MTHFD2L: variants seen among roughly 807,000 people sequenced by gnomAD.
The protein encoded by MTHFD2L is methylenetetrahydrofolate dehydrogenase (NADP+ dependent) 2 like, also known as bifunctional methylenetetrahydrofolate dehydrogenase/cyclohydrolase 2, mitochondrial.
A neutral mutation model predicts 34.9 loss-of-function variants in MTHFD2L; 29 were observed. That is an observed-to-expected ratio of 0.83 (90% CI 0.62 to 1.13). The LOEUF (loss-of-function observed/expected upper bound fraction) is 1.13, where lower values mean the gene tolerates loss of function less well. Among genes scored for constraint, MTHFD2L ranks in the 50% most tolerant of loss-of-function variants. The pLI, the probability that MTHFD2L is intolerant of heterozygous loss-of-function variation, is 0.00. For synonymous variants in MTHFD2L, 167 were observed against 155.7 expected, an observed-to-expected ratio of 1.07 and a Z score of -0.54; for missense variants, 481 against 446.5, an observed-to-expected ratio of 1.08 and a Z score of -0.70.
intron 6 of MTHFD2L, among the ~76,000 whole-genome samples, chr4:74,249,651 C>T (rs1418888594): frequency 6.6e-6 from 1 of 152,186 alleles, no homozygotes; most frequent in Admixed American, 6.5e-5. Context: ...GTGCTTCCTT[C>T]AGGAGCTCTT....
At chr4:74,243,157 A>G (rs1325831903) in intron 6 of MTHFD2L, among the ~76,000 whole-genome samples, 1 of 152,232 alleles carries the variant, frequency 6.6e-6, no homozygotes, top group Non-Finnish European at 1.5e-5. Context: ...CTCAGCTGCC[A>G]TATGCTTTTT....
chr4:74,164,720 C>T (rs1726286125), intron 1 of MTHFD2L, among the ~76,000 whole-genome samples: 1 of 152,182 alleles, frequency 6.6e-6, no homozygotes, highest in African/African-American at 2.4e-5. Flanking sequence ...ATTATTGCTA[C>T]TAATGGTAAC....
At chr4:74,125,617 T>C (rs763207543) in intron 1 of MTHFD2L, 2 of 152,174 alleles carry the variant, frequency 1.3e-5, no homozygotes, top group African/African-American at 4.8e-5. Flanking sequence ...TTTTACCTAA[T>C]GGAATCTCAC....
At chr4:74,142,152 G>C (rs1385453406) in intron 1 of MTHFD2L, among the ~76,000 whole-genome samples, 2 of 152,188 alleles carry the variant, frequency 1.3e-5, no homozygotes, top group African/African-American at 4.8e-5. Flanking sequence ...AAGAATGTTT[G>C]ATTGGAGAGC....
At chr4:74,215,717 A>G (rs1737095321) in intron 5 of MTHFD2L, among the ~76,000 whole-genome samples, 1 of 151,836 alleles carries the variant, frequency 6.6e-6, no homozygotes, top group African/African-American at 2.4e-5. Flanking sequence ...GCAGATAGCA[A>G]TGTATAAAAC....
intron 1 of MTHFD2L, among the ~76,000 whole-genome samples, chr4:74,165,813 A>G (rs371092899): frequency 2.6e-5 from 4 of 152,208 alleles, no homozygotes; most frequent in East Asian, 3.8e-4. Flanking sequence ...TTAATTCTAC[A>G]TTTTGCACAT....
chr4:74,124,192 C>G (rs1721915250), upstream of MTHFD2L, among the ~76,000 whole-genome samples: 1 of 151,920 alleles, frequency 6.6e-6, no homozygotes, highest in Non-Finnish European at 1.5e-5. Context: ...CCTAGACCAT[C>G]TTAAGATCCT....
intron 6 of MTHFD2L, among the ~76,000 whole-genome samples, chr4:74,243,398 T>G (rs946482655): frequency 1.3e-4 from 20 of 152,160 alleles, no homozygotes; most frequent in African/African-American, 4.8e-4. Flanking sequence ...GGGGTGGGAT[T>G]GTTATGGTAG....
intron 2 of MTHFD2L, among the ~76,000 whole-genome samples, chr4:74,116,857 T>C (rs1396437135): frequency 1.3e-5 from 2 of 152,250 alleles, no homozygotes; most frequent in African/African-American, 2.4e-5. Context: ...GGCATATAGA[T>C]ACCGTTCTAT....
At chr4:74,237,510 G>T (rs569633989) in intron 6 of MTHFD2L, among the ~76,000 whole-genome samples, 2 of 152,126 alleles carry the variant, frequency 1.3e-5, no homozygotes, top group African/African-American at 4.8e-5. Context: ...TTAGCTGGGC[G>T]TGGTGGTGCA....
At chr4:74,258,732 A>G (rs1053321885) in intron 6 of MTHFD2L, among the ~76,000 whole-genome samples, 2 of 152,206 alleles carry the variant, frequency 1.3e-5, no homozygotes, top group African/African-American at 4.8e-5. Context: ...CATATAGATT[A>G]TAGCAAATTT....
intron 3 of MTHFD2L, among the ~76,000 whole-genome samples, chr4:74,186,643 ATATT>A: frequency 6.6e-6 from 1 of 152,130 alleles, no homozygotes; most frequent in African/African-American, 2.4e-5. Context: ...AAACCTATAT[ATATT>A]AAAAACTACA....
intron 7 of MTHFD2L, among the ~76,000 whole-genome samples, chr4:74,286,091 A>G (rs991714802): frequency 6.6e-6 from 1 of 152,088 alleles, no homozygotes; most frequent in African/African-American, 2.4e-5. Flanking sequence ...TTGAAGTGCT[A>G]TTTTGTTTTG....
At chr4:74,150,693 T>C (rs1353041637) in intron 1 of MTHFD2L, among the ~76,000 whole-genome samples, 1 of 152,198 alleles carries the variant, frequency 6.6e-6, no homozygotes, top group Non-Finnish European at 1.5e-5. Context: ...ATATGTTGTT[T>C]TAAATGACAC....
intron 6 of MTHFD2L, among the ~76,000 whole-genome samples, chr4:74,278,208 C>T (rs937320654): frequency 1.3e-5 from 2 of 152,046 alleles, no homozygotes; most frequent in African/African-American, 4.8e-5. Flanking sequence ...CTTCCCTAGA[C>T]CAGCCTCCGA....
chr4:74,208,410 C>T (rs1247561953), intron 5 of MTHFD2L, among the ~76,000 whole-genome samples: 6 of 152,112 alleles, frequency 3.9e-5, no homozygotes, highest in Admixed American at 2.0e-4. Context: ...TATCAGACAA[C>T]TGGCACTATC....
chr4:74,285,626 TA>T, intron 7 of MTHFD2L, among the ~76,000 whole-genome samples: 2 of 152,278 alleles, frequency 1.3e-5, no homozygotes, highest in Middle Eastern at 6.8e-3. Flanking sequence ...TAATCCCCTA[TA>T]CATTTATAGA....
chr4:74,292,858 A>C (rs1260682806), intron 7 of MTHFD2L, among the ~76,000 whole-genome samples: 9 of 151,634 alleles, frequency 5.9e-5, no homozygotes, highest in Admixed American at 6.6e-5. Flanking sequence ...ATTTTATTTT[A>C]TTATTATTAT....
At chr4:74,143,415 G>T in intron 1 of MTHFD2L, 1 of 985,394 alleles carries the variant, frequency 1.0e-6, no homozygotes, top group Non-Finnish European at 1.2e-6. Context: ...TGGAAACACG[G>T]ATTTGAGCTC....
Sources: allele counts gnomAD v4.1 joint callset (sites outside exome capture counted in the v4.1 genomes callset), GRCh38; gene constraint gnomAD v4.1.1; transcripts MANE v1.5; gene names NCBI Gene and HGNC (gene_info 2026-07-23, HGNC 2026-07-21).